Variants in XPNPEP1 observed in about 807,000 individuals in gnomAD.
XPNPEP1 encodes X-prolyl aminopeptidase 1, also known as xaa-Pro aminopeptidase 1.
XPNPEP1 carries 39 observed loss-of-function variants against 92.4 expected under a neutral mutation model. The ratio of observed to expected loss-of-function variants is 0.42; its 90% CI spans 0.33 to 0.55. XPNPEP1 has a LOEUF of 0.55. XPNPEP1 is among the 20% of genes least tolerant of loss of function. The pLI, the probability that XPNPEP1 is intolerant of heterozygous loss-of-function variation, is 0.08. For missense variants in XPNPEP1, 654 were observed against 856.1 expected (o/e 0.76, Z 2.95); for synonymous variants, 307 against 299.4 (o/e 1.03, Z -0.26).
At chr10:109,887,104 C>G (rs963231777) in intron 7 of XPNPEP1, among the ~76,000 whole-genome samples, 1 of 152,226 alleles carries the variant, frequency 6.6e-6, no homozygotes, top group African/African-American at 2.4e-5. Flanking sequence ...CACTCAGCAC[C>G]TCGCACAGCA....
intron 3 of XPNPEP1, among the ~76,000 whole-genome samples, chr10:109,898,576 G>A (rs944966): frequency 6.6e-6 from 1 of 152,052 alleles, no homozygotes; most frequent in Non-Finnish European, 1.5e-5. Context: ...AGAGGGAAAG[G>A]TGTGACAAGG....
chr10:109,921,421 T>A (rs1296123461), intron 1 of XPNPEP1, among the ~76,000 whole-genome samples: 1 of 152,220 alleles, frequency 6.6e-6, no homozygotes, highest in Non-Finnish European at 1.5e-5. Context: ...CAGAGCACTT[T>A]CAATCTTTGT....
Position 109,882,635 on chromosome 10 carries a change from T to C in XPNPEP1, c.838A>G (p.Ile280Val), listed in dbSNP as rs1848168887. ...GGGGCGTCTATGCGGTCACCATCAA[T>C]GAAGAGCCTGCAGATGGAGGAGAGG... ...IIGLETIMLF[I>V]DGDRIDAPSV... The change falls in exon 10 of 21, where the codon ATT (isoleucine) becomes GTT (valine). Residue 280 changes from isoleucine to valine, a missense_variant. Coordinates refer to ENST00000502935, the MANE Select transcript of XPNPEP1 (RefSeq NM_020383.4). 1.2e-6 allele frequency: 2 copies of C among 1,614,004 alleles called. No individual in the cohort carries two copies. Among genetic ancestry groups the C allele is most frequent in the Non-Finnish European group, 8.5e-7 (1 of 1,179,958 alleles).
Position 109,866,066 on chromosome 10 carries a change from C to A in XPNPEP1, c.1873-754G>T, listed in dbSNP as rs138143096. Among the ~76,000 whole-genome samples the A allele has an allele frequency of 7.1e-3, 1,079 of 152,272 alleles. 8 individuals are homozygous for A. The highest frequency in any genetic ancestry group is 0.012 in the Non-Finnish European group (814 of 68,018). ...GAAGTCTGGAGTGAAGCAGGTTTTA[C>A]CAAGAGGACAACAAGCCACTCTCAT... On this transcript the variant is annotated intron_variant, in intron 20 of 20. Coordinates refer to ENST00000502935, the MANE Select transcript of XPNPEP1 (RefSeq NM_020383.4).
chr10:109,887,663 G>A (rs1439579502), intron 7 of XPNPEP1, among the ~76,000 whole-genome samples: 1 of 152,176 alleles, frequency 6.6e-6, no homozygotes. Flanking sequence ...GAGGACAAAG[G>A]CCTAGGAAGG....
chr10:109,918,858 G>A (rs11194911), intron 1 of XPNPEP1, among the ~76,000 whole-genome samples: 899 of 87,070 alleles, frequency 0.01, 21 homozygotes, highest in South Asian at 0.031. Context: ...GAAGGAAGGA[G>A]GGAAGGAAGG....
chr10:109,900,740 C>A (rs1315731481), intron 3 of XPNPEP1, among the ~76,000 whole-genome samples: 1 of 152,176 alleles, frequency 6.6e-6, no homozygotes, highest in Non-Finnish European at 1.5e-5. Flanking sequence ...AAACACTGCT[C>A]CCTCTGATCA....
chr10:109,899,037 C>T lies in XPNPEP1; in HGVS notation c.247-5962G>A, dbSNP rs1269208238. ...TGAAACTGAATGAATAAATGGCCAT[C>T]GGTCCACAGGAAGTACCAAAAGTTA... On this transcript the variant is annotated intron_variant, in intron 3 of 20. Coordinates refer to ENST00000502935, the MANE Select transcript of XPNPEP1 (RefSeq NM_020383.4). Among the ~76,000 whole-genome samples the T allele has an allele frequency of 5.9e-5, 9 of 152,180 alleles. No individual in the cohort carries two copies. The East Asian group carries it at 1.3e-3, about 23-fold the overall frequency.
At chr10:109,897,791 T>C (rs1445797546) in intron 3 of XPNPEP1, among the ~76,000 whole-genome samples, 1 of 151,974 alleles carries the variant, frequency 6.6e-6, no homozygotes, top group Non-Finnish European at 1.5e-5. Context: ...GTAGCTGGGA[T>C]TACAGGCGCC....
At position 109,867,658 on chromosome 10, in the gene XPNPEP1, C is replaced by T. The variant is rs147633571; in HGVS notation, c.1872+956G>A. Among the ~76,000 whole-genome samples the T allele has an allele frequency of 1.4e-3, 213 of 152,298 alleles. No homozygotes were observed. The highest frequency in any genetic ancestry group is 2.5e-3 in the Non-Finnish European group (169 of 68,024). On this transcript the variant is annotated intron_variant, in intron 20 of 20. Transcript: ENST00000502935. The surrounding 1 kb of genome is among the most constrained non-coding windows in gnomAD (Gnocchi z 4.5). ...GTGTCAAGAACGAGGCCCAAGTGGG[C>T]GCCAGTGAGGAAATGTTCCTGCCTT...
chr10:109,870,447 A>C (rs1847392542), intron 18 of XPNPEP1, among the ~76,000 whole-genome samples: 1 of 152,258 alleles, frequency 6.6e-6, no homozygotes, highest in South Asian at 2.1e-4. Context: ...ATTTAAAAAA[A>C]AAATGCTATC....
chr10:109,893,110 A>G (rs763343326), intron 3 of XPNPEP1, 35 bp from the exon 4 acceptor site: 2 of 1,596,110 alleles, frequency 1.3e-6, no homozygotes, highest in Admixed American at 3.4e-5. Flanking sequence ...GTGGGCCTCG[A>G]TCAGTCATGA....
At chr10:109,904,766 G>A (rs996639192) in intron 3 of XPNPEP1, among the ~76,000 whole-genome samples, 1 of 152,230 alleles carries the variant, frequency 6.6e-6, no homozygotes. Context: ...AATAGCAAGT[G>A]TTGGTGAGGA....
chr10:109,895,329 G>A (rs776863219), intron 3 of XPNPEP1, among the ~76,000 whole-genome samples: 18 of 152,196 alleles, frequency 1.2e-4, no homozygotes, highest in Admixed American at 3.9e-4. Context: ...GTACTCTAGG[G>A]ATGCCCCACC....
rs1354192145 is a variant in XPNPEP1, at chr10:109,888,648, A to T, written c.416-53T>A. The T allele has an allele frequency of 2.1e-6, 3 of 1,405,794 alleles. No homozygotes were observed. In the African/African-American group the frequency reaches 4.3e-5, roughly 20 times the overall value. The allele number at this position is 1,405,794 out of a possible 1,614,324, so 87.1% of individuals were successfully genotyped here. ...AATTCCCAGTGGGCCCACGCTCATT[A>T]TCCCACCAGAAAGATACAATTCTCT... On this transcript the variant is annotated intron_variant, in intron 5 of 20. Transcript: ENST00000502935.
intron 15 of XPNPEP1, among the ~76,000 whole-genome samples, chr10:109,874,776 C>T (rs1390431282): frequency 7.2e-5 from 11 of 152,124 alleles, no homozygotes; most frequent in Admixed American, 2.6e-4. Context: ...GGTGAAACCC[C>T]GTCTCCACTA....
At chr10:109,918,697 C>G (rs953505745) in intron 1 of XPNPEP1, among the ~76,000 whole-genome samples, 2 of 151,354 alleles carry the variant, frequency 1.3e-5, no homozygotes, top group Admixed American at 6.6e-5. Context: ...GGAGGGGGAG[C>G]TTGCAGTGAG....
intron 3 of XPNPEP1, among the ~76,000 whole-genome samples, chr10:109,897,487 A>G (rs376469887): frequency 6.6e-6 from 1 of 152,162 alleles, no homozygotes; most frequent in African/African-American, 2.4e-5. Flanking sequence ...CTCAACACCT[A>G]CTAGTCAATA....
chr10:109,897,138 T>C (rs1387681029), intron 3 of XPNPEP1, among the ~76,000 whole-genome samples: 3 of 152,214 alleles, frequency 2.0e-5, no homozygotes, highest in Non-Finnish European at 4.4e-5. Flanking sequence ...AGGCCACATG[T>C]TGCTAACCTT....
Sources: gnomAD v4.1 joint callset for allele counts (sites outside exome capture counted in the v4.1 genomes callset) on GRCh38, gnomAD v4.1.1 for gene constraint, Gnocchi (gnomAD v3.1) non-coding constraint, MANE v1.5 for transcripts, NCBI Gene and HGNC (gene_info 2026-07-23, HGNC 2026-07-21) for gene names.